The following UBOX5 variants were observed in gnomAD, a reference collection of about 807,000 sequenced individuals.
The protein encoded by UBOX5 is RING finger protein 37.
In UBOX5, 28 loss-of-function variants were observed where a neutral mutation model predicts 39.0. The ratio of observed to expected loss-of-function variants is 0.72; its 90% CI spans 0.53 to 0.98. The LOEUF is 0.98. Among genes scored for constraint, UBOX5 ranks in the 50% least tolerant of loss-of-function variants. UBOX5 has a pLI of 0.00. For synonymous variants in UBOX5, 283 were observed against 275.5 expected, an observed-to-expected ratio of 1.03 and a Z score of -0.27; for missense variants, 585 against 674.4, an observed-to-expected ratio of 0.87 and a Z score of 1.47.
intron 1 of UBOX5, chr20:3,156,870 CCTTT>C (rs975306162): frequency 1.3e-5 from 2 of 152,220 alleles, no homozygotes; most frequent in African/African-American, 4.8e-5. Context: ...TAACACTTTT[CCTTT>C]CTATGTCCCA....
At chr20:3,155,580 C>T (rs1228405872) in intron 1 of UBOX5, among the ~76,000 whole-genome samples, 44 of 151,804 alleles carry the variant, frequency 2.9e-4, no homozygotes, top group Non-Finnish European at 7.4e-5. Context: ...GTGTTACAAG[C>T]TCTACTGAAC....
Position 3,122,286 on chromosome 20 carries a change from AC to A in UBOX5, c.352del (p.Val118Ter). On this transcript the variant is annotated frameshift_variant, in exon 3 of 5. Coordinates refer to ENST00000217173, the MANE Select transcript of UBOX5 (RefSeq NM_014948.4). LOFTEE classifies it high-confidence loss of function. ...CTGGTTTTTCAGTAAGACTTTGCCT[AC>A]CAAGGTGAACGCCTCCTTGTCTGGG... ...SVPDKEAFTLVGKVLLKNQSQ... is the reference protein window; with the variant it reads ...SVPDKEAFTLXGKVLLKNQSQ... The A allele has an allele frequency of 6.2e-7, 1 of 1,614,188 alleles. No homozygotes were observed. The highest frequency in any genetic ancestry group is 8.5e-7 in the Non-Finnish European group (1 of 1,180,036).
At chr20:3,115,752 C>A (rs562282679) in intron 3 of UBOX5, among the ~76,000 whole-genome samples, 19 of 123,338 alleles carry the variant, frequency 1.5e-4, no homozygotes, top group African/African-American at 5.4e-4. Context: ...ACTGCACGCT[C>A]CTTTTTTTTT....
chr20:3,152,100 CA>C (rs60655157), intron 1 of UBOX5, among the ~76,000 whole-genome samples: 10,942 of 63,004 alleles, frequency 0.17, 602 homozygotes, highest in East Asian at 0.42. Context: ...GACTCTGTCT[CA>C]AAAAAAAAAA....
chr20:3,147,463 G>T (rs2066577313), intron 1 of UBOX5: 1 of 1,614,000 alleles, frequency 6.2e-7, no homozygotes, highest in Admixed American at 1.7e-5. Flanking sequence ...CTTGCTGAAG[G>T]TGAGTACTAA....
At position 3,122,306 on chromosome 20, in the gene UBOX5, G is replaced by C; in HGVS notation, c.333C>G (p.Asp111Glu). The change falls in exon 3 of 5, where the codon GAC becomes GAG. Residue 111 changes from aspartate to glutamate, a missense_variant. Asp to Glu is a conservative substitution (Grantham distance 45). Transcript: ENST00000217173. Reference protein sequence around the residue: ...TLGPAEPSVPDKEAFTLVGKV... With the variant: ...TLGPAEPSVPEKEAFTLVGKV... ...TGCCTACCAAGGTGAACGCCTCCTT[G>C]TCTGGGACAGATGGCTCAGCTGGGC... The C allele has an allele frequency of 6.2e-7, 1 of 1,614,184 alleles. No homozygotes were observed. The highest frequency in any genetic ancestry group is 8.5e-7 in the Non-Finnish European group (1 of 1,180,032).
In UBOX5 at chr20:3,110,396, C is replaced by T. The variant is rs1331253403; in HGVS notation, c.1418-82G>A. On this transcript the variant is annotated intron_variant, in intron 4 of 4. Transcript: ENST00000217173. ...GCTGCTCTGAGGGGCAGAGCCTTCC[C>T]ACCGTGCTGCTGCAGCATCTGGCTT... The T allele has an allele frequency of 2.0e-6, 3 of 1,479,770 alleles. No homozygotes were observed. The African/African-American group carries it at 4.2e-5, about 20-fold the overall frequency. 91.7% of individuals were successfully genotyped at this position (1,479,770 alleles called of 1,614,324 possible).
At chr20:3,152,424 C>A (rs1210095754) in intron 1 of UBOX5, among the ~76,000 whole-genome samples, 1 of 151,790 alleles carries the variant, frequency 6.6e-6, no homozygotes, top group Non-Finnish European at 1.5e-5. Flanking sequence ...ATCACTTGAA[C>A]CTGGGAGGCA....
intron 1 of UBOX5, among the ~76,000 whole-genome samples, chr20:3,141,453 C>T (rs1022351834): frequency 6.6e-6 from 1 of 151,044 alleles, no homozygotes; most frequent in Non-Finnish European, 1.5e-5. Flanking sequence ...TTTTTGATAC[C>T]AGCCTGACCA....
Position 3,115,338 on chromosome 20 carries a change from T to A in UBOX5, c.1384A>T (p.Ser462Cys). Residue 462 changes from serine to cysteine, a missense_variant, in exon 4 of 5, where the codon AGC becomes TGC. Coordinates refer to ENST00000217173, the MANE Select transcript of UBOX5 (RefSeq NM_014948.4). ...GQLQHLGTRG[S>C]NTSWRPGTGS... ...GTGCCAGGCCTCCAGGAAGTGTTGCTCCCTCTTGTGCCAAGGTGCTGGAGC... is the reference window on the plus strand; with the variant it reads ...GTGCCAGGCCTCCAGGAAGTGTTGCACCCTCTTGTGCCAAGGTGCTGGAGC... 1.2e-6 allele frequency: 2 copies of A among 1,613,514 alleles called. No individual in the cohort carries two copies. The highest frequency in any genetic ancestry group is 1.7e-6 in the Non-Finnish European group (2 of 1,179,706).
At chr20:3,147,477 G>T in intron 1 of UBOX5, 1 of 1,614,144 alleles carries the variant, frequency 6.2e-7, no homozygotes, top group Non-Finnish European at 8.5e-7. Context: ...GTACTAAGAC[G>T]ATTGCCTCTG....
intron 1 of UBOX5, among the ~76,000 whole-genome samples, chr20:3,129,345 G>T (rs572177377): frequency 6.6e-6 from 1 of 152,250 alleles, no homozygotes; most frequent in South Asian, 2.1e-4. Flanking sequence ...TAGCAGTTTT[G>T]ATCCTCACCA....
At chr20:3,146,068 G>A (rs543522586) in intron 1 of UBOX5, among the ~76,000 whole-genome samples, 129 of 149,798 alleles carry the variant, frequency 8.6e-4, no homozygotes, top group African/African-American at 3.0e-3. Flanking sequence ...AAGGCCAGAC[G>A]CGGTGGCTCA....
intron 1 of UBOX5, chr20:3,147,958 G>C (rs561877047): frequency 5.0e-6 from 8 of 1,614,190 alleles, no homozygotes; most frequent in Non-Finnish European, 5.1e-6. Flanking sequence ...TCATGAAATT[G>C]ATGTGATCCA....
At chr20:3,146,004 C>T (rs1450207237) in intron 1 of UBOX5, among the ~76,000 whole-genome samples, 2 of 151,214 alleles carry the variant, frequency 1.3e-5, no homozygotes, top group Non-Finnish European at 1.5e-5. Context: ...CAAGATCGCG[C>T]CATTGCTCTC....
At position 3,118,771 on chromosome 20, in the gene UBOX5, CA is replaced by C. The variant is rs944885944; in HGVS notation, c.1255+2612del. 2.0e-5 allele frequency among the ~76,000 whole-genome samples: 3 copies of C among 148,086 alleles called. No individual in the cohort carries two copies. The Admixed American group carries it at 2.0e-4, about 10-fold the overall frequency. On this transcript the variant is annotated intron_variant, in intron 3 of 4. Coordinates refer to ENST00000217173, the MANE Select transcript of UBOX5 (RefSeq NM_014948.4). ...TGGGCGACAGAGCGAGACTCCGTCT[CA>C]AAAAAAAAGAAAAAAAATCAGCCAG...
At chr20:3,139,918 C>G (rs1033334500) in intron 1 of UBOX5, among the ~76,000 whole-genome samples, 1 of 150,764 alleles carries the variant, frequency 6.6e-6, no homozygotes, top group African/African-American at 2.4e-5. Flanking sequence ...CCATGTTGGC[C>G]AGGCTGGTCT....
intron 1 of UBOX5, among the ~76,000 whole-genome samples, chr20:3,145,917 G>A (rs923383052): frequency 6.6e-6 from 1 of 151,934 alleles, no homozygotes; most frequent in Non-Finnish European, 1.5e-5. Context: ...GTGGTGGTGG[G>A]CGCCTGTAAC....
chr20:3,143,095 GTCTTTT>G, intron 1 of UBOX5, among the ~76,000 whole-genome samples: 1 of 121,534 alleles, frequency 8.2e-6, no homozygotes, highest in East Asian at 2.9e-4. Context: ...TTAATCATCT[GTCTTTT>G]TTTTTTTTTT....
Sources: gnomAD v4.1 joint callset for allele counts (sites outside exome capture counted in the v4.1 genomes callset) on GRCh38, gnomAD v4.1.1 for gene constraint, MANE v1.5 for transcripts, NCBI Gene and HGNC (gene_info 2026-07-23, HGNC 2026-07-21) for gene names.